Variants in SUPT6H observed in about 807,000 individuals in gnomAD.
SUPT6H encodes the protein SPT6 homolog, histone chaperone and transcription elongation factor, also known as transcription elongation factor SPT6.
Under a neutral mutation model 222.3 loss-of-function variants are expected in SUPT6H, and 11 were observed. The observed-to-expected ratio is 0.05, with a 90% confidence interval of 0.03 to 0.08. SUPT6H has a LOEUF of 0.08. Ranked by LOEUF, SUPT6H falls within the 10% of genes least tolerant of loss-of-function variation. The pLI is 1.00. For missense variants in SUPT6H, 1,422 were observed against 2,216.0 expected, an observed-to-expected ratio of 0.64 and a Z score of 7.19; for synonymous variants, 762 against 801.2, an observed-to-expected ratio of 0.95 and a Z score of 0.83.
chr17:28,697,135 G>A lies in SUPT6H; in HGVS notation c.4209+53G>A, dbSNP rs1397627605. The A allele has an allele frequency of 2.0e-6, 3 of 1,536,920 alleles. No homozygotes were observed. In the African/African-American group the frequency reaches 4.1e-5, roughly 21 times the overall value. ...ATCCCACTCCTGCTTCCAGAAAGGT[G>A]CCCTTCAGGGTGCTTTCACCTGACA... On this transcript the variant is annotated intron_variant, in intron 30 of 36. Transcript: ENST00000314616.
At chr17:28,696,777 G>A (rs2031940586) in intron 29 of SUPT6H, 67 bp from the exon 30 acceptor site, 1 of 1,421,272 alleles carries the variant, frequency 7.0e-7, no homozygotes, top group African/African-American at 1.4e-5. Flanking sequence ...TGAAGGCCTG[G>A]TTTGTCCTGT....
chr17:28,678,016 T>A (rs1451076910), intron 8 of SUPT6H, 60 bp from the exon 9 acceptor site: 1 of 1,539,662 alleles, frequency 6.5e-7, no homozygotes, highest in African/African-American at 1.4e-5. Context: ...TAAGCAGTCT[T>A]GTATGGTAAG....
At chr17:28,662,962 C>A (rs941562762) in intron 1 of SUPT6H, among the ~76,000 whole-genome samples, 4 of 152,180 alleles carry the variant, frequency 2.6e-5, no homozygotes, top group African/African-American at 9.7e-5. Flanking sequence ...AAAACTCCAT[C>A]TTCTAGTTTC....
Position 28,681,305 on chromosome 17 carries a change from T to C in SUPT6H, c.1399T>C (p.Phe467Leu). Residue 467 changes from phenylalanine to leucine, a missense_variant, in exon 12 of 37, where the codon TTT (phenylalanine) becomes CTT (leucine). Transcript: ENST00000314616. ...MDELKDVYNH[F>L]LLYYGRDIPK... ...TGAGCTGAAAGATGTCTACAACCATTTTCTTCTTTATTATGGCCGAGACAT... is the reference window on the plus strand; with the variant it reads ...TGAGCTGAAAGATGTCTACAACCATCTTCTTCTTTATTATGGCCGAGACAT... 1 of 1,614,042 alleles carries C rather than the reference T, an allele frequency of 6.2e-7. No individual in the cohort carries two copies. The highest frequency in any genetic ancestry group is 8.5e-7 in the Non-Finnish European group (1 of 1,180,000).
intron 26 of SUPT6H, 48 bp from the exon 27 acceptor site, chr17:28,690,871 GCT>G (rs1812940302): frequency 1.9e-6 from 3 of 1,586,070 alleles, no homozygotes; most frequent in Non-Finnish European, 2.6e-6. Context: ...GGAAAGAAGT[GCT>G]CTCCACATTC....
At chr17:28,672,710 G>T (rs1396988178) in intron 1 of SUPT6H, 7 of 151,236 alleles carry the variant, frequency 4.6e-5, no homozygotes, top group Non-Finnish European at 1.0e-4. Flanking sequence ...TACCACGCCT[G>T]GCCTAATGGC....
At chr17:28,696,036 G>T (rs1202939294) in intron 29 of SUPT6H, among the ~76,000 whole-genome samples, 1 of 152,044 alleles carries the variant, frequency 6.6e-6, no homozygotes, top group Non-Finnish European at 1.5e-5. Flanking sequence ...GCCAGGTGCG[G>T]TGGCTCATGC....
chr17:28,699,555 C>T (rs2151667732), intron 32 of SUPT6H, among the ~76,000 whole-genome samples: 1 of 152,308 alleles, frequency 6.6e-6, no homozygotes, highest in African/African-American at 2.4e-5. Flanking sequence ...GCAAGCCTTC[C>T]TCCGGCAGTC....
Position 28,667,512 on chromosome 17 carries a change from T to G in SUPT6H, c.-32+5170T>G, listed in dbSNP as rs558862226. On this transcript the variant is annotated intron_variant, in intron 1 of 36. Transcript: ENST00000314616. ...ATATATGTATATGTGTATATATATA[T>G]AAATACGTGTGTGTGTGTGTGTTTT... 2.8e-4 allele frequency among the ~76,000 whole-genome samples: 40 copies of G among 142,978 alleles called. 1 individual carries two copies. In the South Asian group the frequency reaches 8.7e-3, roughly 31 times the overall value. 93.8% of individuals were successfully genotyped at this position (142,978 alleles called of 152,430 possible).
At chr17:28,700,683 G>A (rs563679678) in intron 35 of SUPT6H, 171 bp downstream of exon 35, 1 of 1,041,330 alleles carries the variant, frequency 9.6e-7, no homozygotes, top group Non-Finnish European at 1.4e-6. Flanking sequence ...GAGGGTAAGA[G>A]AGGGCATAAC....
chr17:28,673,316 C>T (rs2030543983), intron 1 of SUPT6H, 55 bp from the exon 2 acceptor site: 2 of 1,059,258 alleles, frequency 1.9e-6, no homozygotes, highest in South Asian at 1.4e-5. Context: ...GGTTTAAGAG[C>T]CCTCTGTACA....
At chr17:28,692,200 T>C (rs1156513861) in intron 27 of SUPT6H, among the ~76,000 whole-genome samples, 5 of 151,334 alleles carry the variant, frequency 3.3e-5, no homozygotes, top group African/African-American at 9.7e-5. Flanking sequence ...GGTGGGCGCC[T>C]GTAGTCCCAG....
chr17:28,674,368 T>C lies in SUPT6H; in HGVS notation c.195T>C (p.Asp65=). The part of the protein sequence containing the change: ...KGFINDDDDE[D]EGEEDEGSDS... ...TTATCAATGACGATGATGATGAAGA[T>C]GAAGGGGAGGAGGATGAGGGCAGTG... Residue 65 remains aspartate, a synonymous_variant, in exon 3 of 37, where the codon GAT becomes GAC. Coordinates refer to ENST00000314616, the MANE Select transcript of SUPT6H (RefSeq NM_003170.5). The C allele has an allele frequency of 1.2e-6, 2 of 1,613,964 alleles. No homozygotes were observed. The highest frequency in any genetic ancestry group is 1.7e-6 in the Non-Finnish European group (2 of 1,179,988).
intron 26 of SUPT6H, 127 bp downstream of exon 26, chr17:28,690,356 T>C: frequency 8.5e-7 from 1 of 1,183,366 alleles, no homozygotes; most frequent in Non-Finnish European, 1.2e-6. Context: ...AGGAGAGCAT[T>C]TTAAAAGACT....
chr17:28,663,828 A>ATTTTTTTTTTTTTTGTTTTTTTTTTTTT (rs2072114529), intron 1 of SUPT6H, among the ~76,000 whole-genome samples: 1 of 38,374 alleles, frequency 2.6e-5, no homozygotes, highest in African/African-American at 9.6e-5. Flanking sequence ...TGCCCACTCC[A>ATTTTTTTTTTTTTTGTTTTTTTTTTTTT]TTTTTTTTTT....
At position 28,687,292 on chromosome 17, in the gene SUPT6H, G is replaced by C. The variant is rs1464036299; in HGVS notation, c.2839-12G>C. 3 of 1,614,042 alleles carry C rather than the reference G, an allele frequency of 1.9e-6. No individual in the cohort carries two copies. The highest frequency in any genetic ancestry group is 2.7e-5 in the African/African-American group (2 of 74,920). ...CAGAGTAACCTTACTCCTGCCTGCTGAATGTCCACAGGAGCATGTGGTGAA... is the reference window on the plus strand; with the variant it reads ...CAGAGTAACCTTACTCCTGCCTGCTCAATGTCCACAGGAGCATGTGGTGAA... On this transcript the variant is annotated splice_polypyrimidine_tract_variant and intron_variant, in intron 22 of 36. Transcript: ENST00000314616.
intron 4 of SUPT6H, 167 bp downstream of exon 4, chr17:28,674,780 G>T: frequency 1.1e-6 from 1 of 888,460 alleles, no homozygotes; most frequent in Non-Finnish European, 1.7e-6. Context: ...AGATCTGGGT[G>T]CCTGTTAGAG....
At chr17:28,681,482 G>C in intron 12 of SUPT6H, 78 bp downstream of exon 12, 1 of 1,490,670 alleles carries the variant, frequency 6.7e-7, no homozygotes, top group South Asian at 1.4e-5. Context: ...AGCATTTTCA[G>C]ATGCTAAGGT....
intron 13 of SUPT6H, among the ~76,000 whole-genome samples, 198 bp from the exon 14 acceptor site, chr17:28,682,529 G>T (rs2031169214): frequency 6.6e-6 from 1 of 152,158 alleles, no homozygotes; most frequent in South Asian, 2.1e-4. Flanking sequence ...GCTGAAGTGG[G>T]AGGATCACCT....
Sources: gnomAD v4.1 joint callset for allele counts (sites outside exome capture counted in the v4.1 genomes callset) on GRCh38, gnomAD v4.1.1 for gene constraint, MANE v1.5 for transcripts, NCBI Gene and HGNC (gene_info 2026-07-23, HGNC 2026-07-21) for gene names.